The following LRRC20 variants were observed in gnomAD, a reference collection of about 807,000 sequenced individuals.
The protein encoded by LRRC20 is leucine-rich repeat-containing protein 20.
In LRRC20, 11 loss-of-function variants were observed where a neutral mutation model predicts 14.4. The observed-to-expected ratio is 0.77, with a 90% CI of 0.48 to 1.27. LRRC20 has a LOEUF of 1.27. Among genes scored for constraint, LRRC20 ranks in the 50% most tolerant of loss-of-function variants. The pLI, the probability that LRRC20 is intolerant of heterozygous loss-of-function variation, is 0.00. For missense variants in LRRC20, 219 were observed against 251.2 expected (o/e 0.87, Z 0.87); for synonymous variants, 121 against 107.3 (o/e 1.13, Z -0.79).
intron 2 of LRRC20, among the ~76,000 whole-genome samples, chr10:70,366,430 AAAAAT>A (rs1249640472): frequency 3.3e-5 from 5 of 152,160 alleles, no homozygotes; most frequent in Non-Finnish European, 4.4e-5. Flanking sequence ...GTCTCAAAAA[AAAAAT>A]AAAATAAAAT....
intron 4 of LRRC20, among the ~76,000 whole-genome samples, chr10:70,305,809 C>T (rs999628230): frequency 6.7e-6 from 1 of 149,648 alleles, no homozygotes; most frequent in Non-Finnish European, 1.5e-5. Flanking sequence ...GGCGTGATCT[C>T]GGCTCACTGC....
intron 3 of LRRC20, among the ~76,000 whole-genome samples, chr10:70,336,957 G>A (rs1186855319): frequency 6.6e-6 from 1 of 152,204 alleles, no homozygotes; most frequent in Non-Finnish European, 1.5e-5. Flanking sequence ...GGGCCCACCT[G>A]CCATCAGACC....
chr10:70,365,634 T>A (rs1843957420), intron 2 of LRRC20, among the ~76,000 whole-genome samples: 1 of 152,146 alleles, frequency 6.6e-6, no homozygotes, highest in South Asian at 2.1e-4. Flanking sequence ...CAGGCTACAG[T>A]GTGCAATGAT....
At chr10:70,370,395 G>A (rs1844220946) in intron 2 of LRRC20, among the ~76,000 whole-genome samples, 1 of 152,104 alleles carries the variant, frequency 6.6e-6, no homozygotes, top group African/African-American at 2.4e-5. Context: ...AGTCCACCCA[G>A]AATAACCTAC....
At chr10:70,304,839 C>T (rs1397059573) in intron 4 of LRRC20, among the ~76,000 whole-genome samples, 1 of 152,142 alleles carries the variant, frequency 6.6e-6, no homozygotes, top group Non-Finnish European at 1.5e-5. Context: ...GTCCTCAAGG[C>T]TCATCCACAT....
intron 2 of LRRC20, among the ~76,000 whole-genome samples, chr10:70,369,183 A>C (rs1844158075): frequency 6.6e-6 from 1 of 152,210 alleles, no homozygotes; most frequent in South Asian, 2.1e-4. Context: ...GGTTCCAAGA[A>C]GACCTGGGAG....
At chr10:70,354,185 T>C (rs1843437304) in intron 2 of LRRC20, among the ~76,000 whole-genome samples, 1 of 152,124 alleles carries the variant, frequency 6.6e-6, no homozygotes, top group Admixed American at 6.6e-5. Flanking sequence ...CCAGAGAGTC[T>C]GATTTAATTA....
chr10:70,375,231 G>A (rs188967483), intron 2 of LRRC20, among the ~76,000 whole-genome samples: 26 of 152,302 alleles, frequency 1.7e-4, no homozygotes, highest in African/African-American at 6.0e-4. Context: ...TAGAGGAAAT[G>A]CCTCTCGCCT....
intron 3 of LRRC20, among the ~76,000 whole-genome samples, chr10:70,333,177 T>C (rs1589078208): frequency 1.3e-5 from 2 of 152,134 alleles, no homozygotes; most frequent in East Asian, 3.9e-4. Context: ...CAAGAAGTGT[T>C]AGCTTGGGCT....
chr10:70,344,553 A>G (rs1203065423), intron 2 of LRRC20, among the ~76,000 whole-genome samples: 2 of 152,176 alleles, frequency 1.3e-5, no homozygotes, highest in African/African-American at 2.4e-5. Context: ...AAAGTTCACA[A>G]AGATATTTAT....
At chr10:70,354,756 G>A (rs749035067) in intron 2 of LRRC20, among the ~76,000 whole-genome samples, 1 of 152,160 alleles carries the variant, frequency 6.6e-6, no homozygotes, top group Non-Finnish European at 1.5e-5. Context: ...CCTCTGAGCA[G>A]ACTATTTCAG....
At chr10:70,356,520 T>C (rs1014049970) in intron 2 of LRRC20, among the ~76,000 whole-genome samples, 1 of 146,344 alleles carries the variant, frequency 6.8e-6, no homozygotes, top group African/African-American at 2.5e-5. Context: ...TTTGAGACTT[T>C]GTCTCAAAAA....
At chr10:70,313,966 G>A (rs1268696919) in intron 4 of LRRC20, among the ~76,000 whole-genome samples, 3 of 152,156 alleles carry the variant, frequency 2.0e-5, no homozygotes, top group Non-Finnish European at 4.4e-5. Flanking sequence ...AGGTTTAATG[G>A]ACTCACAATC....
chr10:70,345,094 G>T (rs1843029332), intron 2 of LRRC20, among the ~76,000 whole-genome samples: 1 of 152,058 alleles, frequency 6.6e-6, no homozygotes, highest in African/African-American at 2.4e-5. Context: ...AAAAGGTGAG[G>T]TTATAACCAA....
rs1439508844 is a variant in LRRC20, at chr10:70,382,554, CA to C, written c.-70del. On this transcript the variant is annotated 5_prime_UTR_variant, in exon 1 of 5. It adds an upstream start codon to the 5' untranslated region. Transcript: ENST00000446961. Reference sequence around the variant, plus strand: ...CCGCTTTTGGCTCCACTTACGGCGACAATGCCTCCTAGCGCCCTGCGCAGCG... The same window carrying C: ...CCGCTTTTGGCTCCACTTACGGCGACATGCCTCCTAGCGCCCTGCGCAGCG... The C allele has an allele frequency of 6.6e-6, 1 of 152,162 alleles. No individual in the cohort carries two copies. The highest frequency in any genetic ancestry group is 6.5e-5 in the Admixed American group (1 of 15,282). The allele number at this position is 152,162 out of a possible 1,614,324, so 9.4% of individuals were successfully genotyped here.
intron 4 of LRRC20, among the ~76,000 whole-genome samples, chr10:70,305,126 G>C (rs1253665282): frequency 6.6e-6 from 1 of 151,948 alleles, no homozygotes; most frequent in Non-Finnish European, 1.5e-5. Context: ...GGAGGTTGCA[G>C]TGAGCCGAGA....
chr10:70,363,519 G>T (rs1328396662), intron 2 of LRRC20, among the ~76,000 whole-genome samples: 1 of 152,168 alleles, frequency 6.6e-6, no homozygotes, highest in Admixed American at 6.5e-5. Flanking sequence ...TTCATATTTT[G>T]CTATGGAAGC....
intron 1 of LRRC20, among the ~76,000 whole-genome samples, chr10:70,377,781 G>A (rs1354419405): frequency 2.0e-5 from 3 of 152,234 alleles, no homozygotes; most frequent in African/African-American, 7.2e-5. Flanking sequence ...GCCAGGGCTG[G>A]CCAAGCCCAC....
At chr10:70,376,822 T>A (rs541129817) in intron 1 of LRRC20, 9 of 449,606 alleles carry the variant, frequency 2.0e-5, no homozygotes, top group Non-Finnish European at 2.9e-5. Context: ...ACTGGTTTTC[T>A]GGGAGGATCA....
Sources: gnomAD v4.1 joint callset for allele counts (sites outside exome capture counted in the v4.1 genomes callset) on GRCh38, gnomAD v4.1.1 for gene constraint, MANE v1.5 for transcripts, NCBI Gene and HGNC (gene_info 2026-07-23, HGNC 2026-07-21) for gene names.